The following SNX7 variants were observed in gnomAD, a reference collection of about 807,000 sequenced individuals.
SNX7 encodes sorting nexin 7, also known as sorting nexin-7.
A neutral mutation model predicts 48.4 loss-of-function variants in SNX7; 35 were observed. The observed-to-expected ratio is 0.72, with a 90% CI of 0.55 to 0.96. SNX7 has a LOEUF of 0.96. Among genes scored for constraint, SNX7 ranks in the 40% least tolerant of loss-of-function variants. SNX7 has a pLI of 0.00. For synonymous variants in SNX7, 190 were observed against 190.2 expected, an observed-to-expected ratio of 1.00 and a Z score of 0.01; for missense variants, 553 against 548.9, an observed-to-expected ratio of 1.01 and a Z score of -0.07.
At chr1:98,694,738 G>A (rs980082788) in intron 4 of SNX7, among the ~76,000 whole-genome samples, 2 of 149,316 alleles carry the variant, frequency 1.3e-5, no homozygotes, top group Non-Finnish European at 3.0e-5. Flanking sequence ...CTCCCAAGTA[G>A]CTGGGACTAC....
chr1:98,670,829 T>C (rs765068016), intron 1 of SNX7, among the ~76,000 whole-genome samples: 19 of 152,002 alleles, frequency 1.2e-4, no homozygotes, highest in Non-Finnish European at 2.6e-4. Flanking sequence ...TGAGGACCTA[T>C]AGGAAAGAGA....
Position 98,756,432 on chromosome 1 carries a change from T to TG in SNX7, c.1279-3622_1279-3621insG, listed in dbSNP as rs1421160867. The stretch of plus-strand genomic sequence containing the variant: ...TTTTCTGCCAGATGAGTTTTTTTTT[T>TG]TTTTTTTTTTTTTTAATATTGGTTG... On this transcript the variant is annotated intron_variant, in intron 8 of 8. Coordinates refer to ENST00000306121, the MANE Select transcript of SNX7 (RefSeq NM_015976.5). Among the ~76,000 whole-genome samples the TG allele has an allele frequency of 1.2e-3, 172 of 145,304 alleles. 2 individuals carry two copies. Among genetic ancestry groups the TG allele is most frequent in the African/African-American group, 3.9e-3 (157 of 40,052 alleles).
chr1:98,695,648 T>C lies in SNX7; in HGVS notation c.770T>C (p.Ile257Thr), dbSNP rs1651415975. Residue 257 changes from isoleucine (I) to threonine (T), a missense_variant, in exon 5 of 9, where the codon ATT becomes ACT. Coordinates refer to ENST00000306121, the MANE Select transcript of SNX7 (RefSeq NM_015976.5). ...PEEFMEMNNF[I>T]ELFSQKINLI... ...GAGTTCATGGAAATGAATAACTTTATTGAACTATTTAGCCAGAAAATAAAT... is the reference window on the plus strand; with the variant it reads ...GAGTTCATGGAAATGAATAACTTTACTGAACTATTTAGCCAGAAAATAAAT... 1 of 1,610,634 alleles carries C rather than the reference T, an allele frequency of 6.2e-7. No homozygotes were observed. Among genetic ancestry groups the C allele is most frequent in the Non-Finnish European group, 8.5e-7 (1 of 1,176,918 alleles).
chr1:98,661,988 C>T, intron 1 of SNX7, 77 bp downstream of exon 1: 1 of 1,231,352 alleles, frequency 8.1e-7, no homozygotes, highest in Non-Finnish European at 1.0e-6. Flanking sequence ...CGACGGCTGC[C>T]TCTGGCGCGC....
At chr1:98,698,943 A>T (rs377524337) in intron 6 of SNX7, 38 bp downstream of exon 6, 223 of 1,585,916 alleles carry the variant, frequency 1.4e-4, no homozygotes, top group Non-Finnish European at 1.8e-4. Context: ...TCAGTCCCTT[A>T]CCTGATTATA....
chr1:98,695,313 T>C (rs558516927), intron 4 of SNX7, among the ~76,000 whole-genome samples: 66 of 152,216 alleles, frequency 4.3e-4, no homozygotes, highest in African/African-American at 1.6e-3. Flanking sequence ...ATGAGTAGTG[T>C]GAAAGGGAAT....
intron 8 of SNX7, among the ~76,000 whole-genome samples, chr1:98,748,350 T>G (rs1654410217): frequency 6.6e-6 from 1 of 151,998 alleles, no homozygotes; most frequent in East Asian, 1.9e-4. Context: ...TATTCTGTAA[T>G]GTAATTTGTT....
At chr1:98,671,510 G>A (rs1282884134) in intron 1 of SNX7, among the ~76,000 whole-genome samples, 1 of 152,008 alleles carries the variant, frequency 6.6e-6, no homozygotes, top group African/African-American at 2.4e-5. Context: ...TATATGACAT[G>A]CTCTTTTTTT....
intron 5 of SNX7, among the ~76,000 whole-genome samples, chr1:98,697,955 T>G (rs1008189767): frequency 1.3e-5 from 2 of 152,136 alleles, no homozygotes; most frequent in African/African-American, 4.8e-5. Context: ...GGGTTATTCA[T>G]GAATGAACAA....
At chr1:98,685,101 C>T (rs771617510) in intron 2 of SNX7, 34 bp downstream of exon 2, 1 of 1,332,436 alleles carries the variant, frequency 7.5e-7, no homozygotes, top group Admixed American at 2.6e-5. Flanking sequence ...TTGAATATAG[C>T]TGCTTTTTTT....
At chr1:98,720,640 A>G (rs1405489944) in intron 7 of SNX7, among the ~76,000 whole-genome samples, 1 of 152,108 alleles carries the variant, frequency 6.6e-6, no homozygotes, top group Non-Finnish European at 1.5e-5. Flanking sequence ...ATTTGAATTA[A>G]TTAAAATTAA....
intron 1 of SNX7, among the ~76,000 whole-genome samples, chr1:98,668,336 C>T (rs1649656401): frequency 6.6e-6 from 1 of 152,178 alleles, no homozygotes; most frequent in Non-Finnish European, 1.5e-5. Context: ...TTTGAACTCT[C>T]CATGCCACTT....
chr1:98,693,077 G>A (rs1454032533), intron 4 of SNX7, among the ~76,000 whole-genome samples: 1 of 152,118 alleles, frequency 6.6e-6, no homozygotes, highest in Non-Finnish European at 1.5e-5. Context: ...TCACACCTGT[G>A]TTGTTCAAGG....
intron 1 of SNX7, among the ~76,000 whole-genome samples, chr1:98,677,739 G>C (rs534583035): frequency 6.6e-6 from 1 of 151,928 alleles, no homozygotes; most frequent in Non-Finnish European, 1.5e-5. Context: ...TTAACCAGGC[G>C]TGGTGGCAGG....
At chr1:98,714,161 G>A (rs1652464630) in intron 7 of SNX7, among the ~76,000 whole-genome samples, 1 of 152,148 alleles carries the variant, frequency 6.6e-6, no homozygotes, top group African/African-American at 2.4e-5. Flanking sequence ...ATTTAGAGGG[G>A]TGTCAATGCC....
At chr1:98,727,469 C>T (rs1378112345) in intron 7 of SNX7, among the ~76,000 whole-genome samples, 1 of 152,054 alleles carries the variant, frequency 6.6e-6, no homozygotes, top group Non-Finnish European at 1.5e-5. Flanking sequence ...ACCTCTTCTC[C>T]TCCAAATGAT....
At chr1:98,698,645 T>C in intron 5 of SNX7, 61 bp from the exon 6 acceptor site, 1 of 1,449,382 alleles carries the variant, frequency 6.9e-7, no homozygotes, top group Non-Finnish European at 9.4e-7. Flanking sequence ...CTCTCTAGGA[T>C]ACAGGTATTT....
intron 1 of SNX7, among the ~76,000 whole-genome samples, chr1:98,669,119 G>C (rs190401913): frequency 2.2e-4 from 33 of 152,290 alleles, no homozygotes; most frequent in African/African-American, 6.7e-4. Context: ...CCAACCCGTT[G>C]TCTTTTCCAT....
rs112050001 is a variant in SNX7, at chr1:98,756,563, A to C, written c.1279-3491A>C. 5.8e-4 allele frequency among the ~76,000 whole-genome samples: 87 copies of C among 151,046 alleles called. No homozygotes were observed. The Middle Eastern group carries it at 0.01, about 18-fold the overall frequency. On this transcript the variant is annotated intron_variant, in intron 8 of 8. Transcript: ENST00000306121. ...TGTAGGCCCTATGAGAATGCTGGATACTGTTTAATCCTTCCCGATGGCTTT... is the reference window on the plus strand; with the variant it reads ...TGTAGGCCCTATGAGAATGCTGGATCCTGTTTAATCCTTCCCGATGGCTTT...
Sources: allele counts gnomAD v4.1 joint callset (sites outside exome capture counted in the v4.1 genomes callset), GRCh38; gene constraint gnomAD v4.1.1; transcripts MANE v1.5; gene names NCBI Gene and HGNC (gene_info 2026-07-23, HGNC 2026-07-21).